The following CROCC variants were observed in gnomAD, a reference collection of about 807,000 sequenced individuals.
CROCC encodes the protein ciliary rootlet coiled-coil, rootletin.
Under a neutral mutation model 245.2 loss-of-function variants are expected in CROCC, and 180 were observed. That is an observed-to-expected ratio of 0.73 (90% CI 0.65 to 0.83). The LOEUF (loss-of-function observed/expected upper bound fraction) is 0.83. Ranked by LOEUF, CROCC falls within the 40% of genes least tolerant of loss-of-function variation. The pLI is 0.00. For synonymous variants in CROCC, 1,205 were observed against 1,241.6 expected, an observed-to-expected ratio of 0.97 and a Z score of 0.62; for missense variants, 2,688 against 2,779.4, an observed-to-expected ratio of 0.97 and a Z score of 0.74.
chr1:16,955,226 C>A lies in CROCC; in HGVS notation c.3466-86C>A. The A allele has an allele frequency of 4.4e-6, 6 of 1,355,114 alleles. No homozygotes were observed. In the South Asian group the frequency reaches 4.9e-5, roughly 11 times the overall value. The allele number at this position is 1,355,114 out of a possible 1,614,324, so 83.9% of individuals were successfully genotyped here. A position where few individuals can be genotyped will look rare whatever the true frequency, so the allele number is the denominator to read the frequency against. ...CACTGCAGAGGGATGGGGCAGGCTC[C>A]CTGGGTCCAGGGATCTGGGGTACAA... On this transcript the variant is annotated intron_variant, in intron 23 of 36. Coordinates refer to ENST00000375541, the MANE Select transcript of CROCC (RefSeq NM_014675.5).
Position 16,955,312 on chromosome 1 carries a change from G to A in CROCC, c.3466G>A (p.Ala1156Thr). ...CTGGGGACACCTGCTGTGCTCACAG[G>A]CAGAAGAGCTTCGGACCCAGCTGCG... Reference protein sequence around the residue: ...GKQRDSCLREAEELRTQLRLL... With the variant: ...GKQRDSCLRETEELRTQLRLL... The change falls in exon 24 of 37, where the codon GCA (alanine) becomes ACA (threonine). Residue 1156 changes from alanine to threonine, a missense_variant and splice_region_variant. Physicochemically the swap from Ala to Thr is moderately conservative, Grantham distance 58. Around this residue, in one of 9 missense-constraint regions of CROCC, gnomAD observed 1,218 missense variants for 1,286.3 expected, o/e 0.95. Transcript: ENST00000375541. 2 of 1,607,160 alleles carry A rather than the reference G, an allele frequency of 1.2e-6. No individual in the cohort carries two copies. The highest frequency in any genetic ancestry group is 1.7e-4 in the Middle Eastern group (1 of 5,990).
intron 25 of CROCC, among the ~76,000 whole-genome samples, 197 bp downstream of exon 25, chr1:16,956,353 G>C (rs954012059): frequency 6.6e-6 from 1 of 152,200 alleles, no homozygotes. Flanking sequence ...AAAAGTCTGC[G>C]TGCATTTGTG....
Position 16,959,221 on chromosome 1 carries a change from A to C in CROCC, c.4032+471A>C, listed in dbSNP as rs375978422. Among the ~76,000 whole-genome samples the C allele has an allele frequency of 1.9e-3, 290 of 152,200 alleles. 3 individuals carry two copies. Among genetic ancestry groups the C allele is most frequent in the African/African-American group, 6.7e-3 (279 of 41,520 alleles). ...GTATTTTTAGTAGAGACAGGATTTC[A>C]CCATGTTGGTCAGGCTTGTCTCAAA... On this transcript the variant is annotated intron_variant, in intron 26 of 36. Coordinates refer to ENST00000375541, the MANE Select transcript of CROCC (RefSeq NM_014675.5).
intron 8 of CROCC, 133 bp from the exon 9 acceptor site, chr1:16,936,504 C>T (rs1396603980): frequency 5.8e-5 from 52 of 889,208 alleles, no homozygotes; most frequent in East Asian, 2.1e-4. Flanking sequence ...CCTGACCTCA[C>T]GTGATCTGCC....
Position 16,969,834 on chromosome 1 carries a change from G to A in CROCC, c.5351G>A (p.Ser1784Asn). The stretch of plus-strand genomic sequence containing the variant: ...GCATTATCTGAGGCACGGAAGCAGA[G>A]CAGCTCCCTGGGCGAGCAGGTGCAG... ...RQALSEARKQ[S>N]SSLGEQVQTL... Residue 1784 changes from serine to asparagine, a missense_variant, in exon 33 of 37, where the codon AGC becomes AAC. Transcript: ENST00000375541. 2 of 1,613,428 alleles carry A rather than the reference G, an allele frequency of 1.2e-6. No homozygotes were observed. The highest frequency in any genetic ancestry group is 1.7e-6 in the Non-Finnish European group (2 of 1,179,760).
chr1:16,915,644 A>G (rs1247077137), intron 1 of CROCC, among the ~76,000 whole-genome samples: 3 of 130,316 alleles, frequency 2.3e-5, no homozygotes, highest in African/African-American at 9.3e-5. Flanking sequence ...TGTCTCAAAG[A>G]AAAAAAAAAA....
chr1:16,918,607 C>T (rs1434094770), upstream of CROCC, among the ~76,000 whole-genome samples: 3 of 152,234 alleles, frequency 2.0e-5, no homozygotes, highest in Non-Finnish European at 2.9e-5. Flanking sequence ...GTATTTTTGG[C>T]TTCCCCCCTG....
chr1:16,941,663 C>T (rs1327134357), intron 13 of CROCC, among the ~76,000 whole-genome samples: 6 of 151,320 alleles, frequency 4.0e-5, no homozygotes, highest in South Asian at 2.1e-4. Context: ...ACCCGGGAGG[C>T]GGAGCTGGCA....
intron 11 of CROCC, 97 bp from the exon 12 acceptor site, chr1:16,938,812 A>T: frequency 4.1e-6 from 5 of 1,214,790 alleles, no homozygotes; most frequent in Non-Finnish European, 5.9e-6. Context: ...AGCATTTGGA[A>T]TGAGGCAGCC....
chr1:16,920,036 C>T (rs1319198621), upstream of CROCC, among the ~76,000 whole-genome samples: 1 of 152,048 alleles, frequency 6.6e-6, no homozygotes, highest in African/African-American at 2.4e-5. Flanking sequence ...GGATTATATG[C>T]ACATGCCACC....
chr1:16,950,260 C>T (rs1241004744), intron 19 of CROCC, among the ~76,000 whole-genome samples: 5 of 151,494 alleles, frequency 3.3e-5, no homozygotes, highest in African/African-American at 1.2e-4. Context: ...GACAGGGTTT[C>T]GCTGTGTTGG....
At chr1:16,963,073 C>T (rs2076360054) in intron 27 of CROCC, among the ~76,000 whole-genome samples, 1 of 151,342 alleles carries the variant, frequency 6.6e-6, no homozygotes, top group Admixed American at 6.6e-5. Context: ...ATCCCAGCTA[C>T]TCGGGAGGCT....
chr1:16,955,259 C>T (rs940092435), intron 23 of CROCC, 53 bp from the exon 24 acceptor site: 2 of 1,560,878 alleles, frequency 1.3e-6, no homozygotes, highest in East Asian at 2.2e-5. Flanking sequence ...CAAGACCCAG[C>T]TTGACGGGGG....
rs2076215288 is a variant in CROCC at position 16,954,431 on chromosome 1, G to A, written c.3321+74G>A. Reference sequence around the variant, plus strand: ...CCTGGCTGAGGAGCCCCCACCACGGGGCGGCATGGCCCTGTCCTGGAGAAG... The same window carrying A: ...CCTGGCTGAGGAGCCCCCACCACGGAGCGGCATGGCCCTGTCCTGGAGAAG... On this transcript the variant is annotated intron_variant, in intron 22 of 36. Transcript: ENST00000375541. The surrounding 1 kb of genome is among the most constrained non-coding windows in gnomAD (Gnocchi z 4.4). 1.3e-6 allele frequency: 2 copies of A among 1,540,966 alleles called. No individual in the cohort carries two copies. The highest frequency in any genetic ancestry group is 8.8e-7 in the Non-Finnish European group (1 of 1,137,310).
At chr1:16,960,588 TTC>T (rs1474268028) in intron 26 of CROCC, among the ~76,000 whole-genome samples, 168 bp from the exon 27 acceptor site, 2 of 152,348 alleles carry the variant, frequency 1.3e-5, no homozygotes, top group Non-Finnish European at 2.9e-5. Context: ...GTTCTAGTAT[TTC>T]CTCCCACGGG....
intron 23 of CROCC, 46 bp from the exon 24 acceptor site, chr1:16,955,266 G>GC (rs1331883957): frequency 6.3e-7 from 1 of 1,582,248 alleles, no homozygotes; most frequent in Non-Finnish European, 8.6e-7. Context: ...CAGCTTGACG[G>GC]GGGGGTCCCT....
upstream of CROCC, among the ~76,000 whole-genome samples, chr1:16,918,300 C>CTTTTT (rs201445636): frequency 2.5e-4 from 31 of 123,868 alleles, 1 homozygote; most frequent in South Asian, 6.0e-4. Flanking sequence ...GGAATTCAGT[C>CTTTTT]TTTTTTTTTT....
chr1:16,919,312 C>T (rs1298946596), upstream of CROCC, among the ~76,000 whole-genome samples: 1 of 152,288 alleles, frequency 6.6e-6, no homozygotes, highest in Non-Finnish European at 1.5e-5. Context: ...GCTTTGGGCT[C>T]ACCACTTCCC....
chr1:16,934,164 CTG>C (rs1277677075), intron 8 of CROCC, among the ~76,000 whole-genome samples: 1 of 152,270 alleles, frequency 6.6e-6, no homozygotes, highest in Non-Finnish European at 1.5e-5. Context: ...GGCTGCAAAA[CTG>C]TGAGCTTCTC....
Sources: gnomAD v4.1 joint callset for allele counts (sites outside exome capture counted in the v4.1 genomes callset) on GRCh38, gnomAD v4.1.1 for gene constraint, gnomAD v4.1.1 regional missense constraint, Gnocchi (gnomAD v3.1) non-coding constraint, MANE v1.5 for transcripts, NCBI Gene and HGNC (gene_info 2026-07-23, HGNC 2026-07-21) for gene names.